The following PDGFRL variants were observed in gnomAD, a reference collection of about 807,000 sequenced individuals.
The protein encoded by PDGFRL is platelet derived growth factor receptor like.
In PDGFRL, 46 loss-of-function variants were observed where a neutral mutation model predicts 37.2. The observed-to-expected ratio is 1.24, with a 90% CI of 0.98 to 1.58. The LOEUF (loss-of-function observed/expected upper bound fraction) is 1.58. PDGFRL is among the 40% of genes most tolerant of loss of function. The pLI, the probability that PDGFRL is intolerant of heterozygous loss-of-function variation, is 0.00. For synonymous variants in PDGFRL, 251 were observed against 184.3 expected, an observed-to-expected ratio of 1.36 and a Z score of -2.93; for missense variants, 692 against 467.6, an observed-to-expected ratio of 1.48 and a Z score of -4.43.
intron 1 of PDGFRL, among the ~76,000 whole-genome samples, chr8:17,577,733 G>T (rs1398237422): frequency 6.6e-6 from 1 of 151,568 alleles, no homozygotes; most frequent in African/African-American, 2.4e-5. Flanking sequence ...CTCGGCAATC[G>T]CTGATTCGGT....
At chr8:17,614,296 A>G (rs1392502416) in intron 2 of PDGFRL, among the ~76,000 whole-genome samples, 1 of 152,168 alleles carries the variant, frequency 6.6e-6, no homozygotes, top group Non-Finnish European at 1.5e-5. Context: ...AAAGAAACAT[A>G]AACAGTGACA....
chr8:17,591,027 T>C (rs1189223427), intron 2 of PDGFRL, among the ~76,000 whole-genome samples: 3 of 151,828 alleles, frequency 2.0e-5, no homozygotes, highest in Admixed American at 6.6e-5. Flanking sequence ...GGACTACAGG[T>C]GCCTGCCACC....
intron 2 of PDGFRL, among the ~76,000 whole-genome samples, chr8:17,598,296 A>C (rs907407453): frequency 6.6e-6 from 1 of 152,182 alleles, no homozygotes; most frequent in African/African-American, 2.4e-5. Context: ...TGGAATGTGA[A>C]TATATTATTG....
intron 5 of PDGFRL, among the ~76,000 whole-genome samples, chr8:17,640,328 G>A (rs1805065178): frequency 6.6e-6 from 1 of 152,174 alleles, no homozygotes; most frequent in Admixed American, 6.5e-5. Context: ...GAGCTAGTGT[G>A]ATCTTCTGGG....
At chr8:17,597,306 C>T (rs1229816444) in intron 2 of PDGFRL, among the ~76,000 whole-genome samples, 2 of 152,202 alleles carry the variant, frequency 1.3e-5, no homozygotes, top group African/African-American at 4.8e-5. Flanking sequence ...CAGGCATGAG[C>T]CTCCTCGTCC....
chr8:17,610,927 AT>A (rs11340600), intron 2 of PDGFRL, among the ~76,000 whole-genome samples: 26,769 of 152,130 alleles, frequency 0.18, 2,483 homozygotes, highest in South Asian at 0.33. Flanking sequence ...TTACACGAGA[AT>A]TGATGATTTC....
intron 2 of PDGFRL, among the ~76,000 whole-genome samples, chr8:17,620,742 C>A (rs1241059698): frequency 6.6e-6 from 1 of 152,048 alleles, no homozygotes; most frequent in African/African-American, 2.4e-5. Context: ...AAAATATTTA[C>A]CTCATTGTAT....
At chr8:17,621,618 G>C (rs1219158327) in intron 3 of PDGFRL, among the ~76,000 whole-genome samples, 2 of 152,096 alleles carry the variant, frequency 1.3e-5, no homozygotes, top group Non-Finnish European at 2.9e-5. Flanking sequence ...AGTTCTCAGT[G>C]CACTTGCCAC....
intron 2 of PDGFRL, among the ~76,000 whole-genome samples, chr8:17,614,145 TAATA>T (rs774543436): frequency 6.6e-6 from 1 of 152,144 alleles, no homozygotes; most frequent in Admixed American, 6.5e-5. Flanking sequence ...GATTGATTCG[TAATA>T]GATAGATTGA....
chr8:17,638,405 G>A (rs1383713337), intron 5 of PDGFRL, among the ~76,000 whole-genome samples: 1 of 152,050 alleles, frequency 6.6e-6, no homozygotes, highest in East Asian at 1.9e-4. Flanking sequence ...TGGTCTGAGA[G>A]AGTACTTGAT....
intron 2 of PDGFRL, among the ~76,000 whole-genome samples, chr8:17,617,539 C>G (rs1424270046): frequency 2.0e-5 from 3 of 152,142 alleles, no homozygotes; most frequent in Admixed American, 6.6e-5. Flanking sequence ...CTTCCAACCC[C>G]TTGCGTAGTC....
In PDGFRL at chr8:17,643,038, TCC is replaced by T; in HGVS notation, c.*238_*239del. The T allele has an allele frequency of 4.7e-6, 2 of 422,372 alleles. No homozygotes were observed. Among genetic ancestry groups the T allele is most frequent in the Non-Finnish European group, 4.1e-6 (1 of 241,416 alleles). 26.2% of individuals were successfully genotyped at this position (422,372 alleles called of 1,614,324 possible). A position where few individuals can be genotyped will look rare whatever the true frequency, so the allele number is the denominator to read the frequency against. On this transcript the variant is annotated 3_prime_UTR_variant, in exon 6 of 6. Transcript: ENST00000251630. ...TTTGATTGCTTACCTACATACGTGTTCCTAGTTTTTATACATGTGTAAACAAT... is the reference window on the plus strand; with the variant it reads ...TTTGATTGCTTACCTACATACGTGTTTAGTTTTTATACATGTGTAAACAAT...
At chr8:17,605,331 G>A (rs1265652112) in intron 2 of PDGFRL, among the ~76,000 whole-genome samples, 1 of 152,120 alleles carries the variant, frequency 6.6e-6, no homozygotes, top group Non-Finnish European at 1.5e-5. Flanking sequence ...GTCTTTAGAT[G>A]TGTTCTTGGA....
chr8:17,633,958 G>A (rs35456129), intron 4 of PDGFRL, 116 bp from the exon 5 acceptor site: 93,685 of 1,016,306 alleles, frequency 0.092, 5,584 homozygotes, highest in African/African-American at 0.24. Context: ...ACTGGTCAGG[G>A]AGCTGTGAGA....
chr8:17,607,660 G>A (rs1044984759), intron 2 of PDGFRL, among the ~76,000 whole-genome samples: 1 of 152,176 alleles, frequency 6.6e-6, no homozygotes, highest in Non-Finnish European at 1.5e-5. Context: ...TTTTATGAGT[G>A]AAATGTTGCT....
chr8:17,582,634 A>T (rs1803731667), intron 1 of PDGFRL, among the ~76,000 whole-genome samples: 1 of 152,004 alleles, frequency 6.6e-6, no homozygotes, highest in South Asian at 2.1e-4. Context: ...CAGCAAAGGA[A>T]TGACCTAAAG....
At chr8:17,606,499 C>T (rs536664746) in intron 2 of PDGFRL, among the ~76,000 whole-genome samples, 1 of 152,252 alleles carries the variant, frequency 6.6e-6, no homozygotes, top group South Asian at 2.1e-4. Context: ...GGTCTTCCAC[C>T]CCAGAAATGA....
At chr8:17,600,921 G>T (rs1804154203) in intron 2 of PDGFRL, among the ~76,000 whole-genome samples, 1 of 152,050 alleles carries the variant, frequency 6.6e-6, no homozygotes, top group African/African-American at 2.4e-5. Flanking sequence ...GCTCAAGACT[G>T]CAGTGAGCTA....
upstream of PDGFRL, chr8:17,576,895 C>A (rs1017513462): frequency 1.1e-5 from 3 of 282,376 alleles, no homozygotes; most frequent in African/African-American, 2.2e-5. Flanking sequence ...TAAAAGTGAC[C>A]CCATCAGCAC....
Sources: allele counts gnomAD v4.1 joint callset (sites outside exome capture counted in the v4.1 genomes callset), GRCh38; gene constraint gnomAD v4.1.1; transcripts MANE v1.5; gene names NCBI Gene and HGNC (gene_info 2026-07-23, HGNC 2026-07-21).